Variants in FAM186B observed in about 807,000 individuals in gnomAD.
FAM186B encodes protein FAM186B.
In FAM186B, 68 loss-of-function variants were observed where a neutral mutation model predicts 83.4. That is an observed-to-expected ratio of 0.81 (90% CI 0.67 to 1.00). FAM186B has a LOEUF of 1.00. Ranked by LOEUF, FAM186B falls within the 50% of genes least tolerant of loss-of-function variation. The pLI is 0.00. For synonymous variants in FAM186B, 389 were observed against 422.0 expected, an observed-to-expected ratio of 0.92 and a Z score of 0.96; for missense variants, 983 against 1,099.2, an observed-to-expected ratio of 0.89 and a Z score of 1.49.
At chr12:49,593,778 G>T (rs952954155) in intron 5 of FAM186B, among the ~76,000 whole-genome samples, 1 of 152,146 alleles carries the variant, frequency 6.6e-6, no homozygotes, top group African/African-American at 2.4e-5. Flanking sequence ...TTGGAGACCA[G>T]CCTGGACAAC....
intron 2 of FAM186B, 81 bp downstream of exon 2, chr12:49,604,232 G>T: frequency 9.4e-7 from 1 of 1,065,970 alleles, no homozygotes; most frequent in South Asian, 1.4e-5. Flanking sequence ...CTGGAGAAGG[G>T]GATGTGTCCT....
In FAM186B at chr12:49,605,382, C is replaced by T. The variant is rs1939990676; in HGVS notation, c.96G>A (p.Glu32=). ...IEAAQLTRAQ[E]DISTQLSDIL... is the part of the protein sequence containing the mutation. ...GTGATTCCTTCATCTCAGGGGCTAC[C>T]TCTTGAGCCCGAGTTAGCTGGGCAG... is the stretch of plus-strand genomic sequence containing the variant. The change falls in exon 1 of 7, where the codon GAG becomes GAA. Residue 32 remains glutamate (E), a splice_region_variant and synonymous_variant. Transcript: ENST00000257894. 1 of 1,611,946 alleles carries T rather than the reference C, an allele frequency of 6.2e-7. No homozygotes were observed. Among genetic ancestry groups the T allele is most frequent in the Non-Finnish European group, 8.5e-7 (1 of 1,179,248 alleles).
rs151051569 is a variant in FAM186B at position 49,588,535 on chromosome 12, C to T, written c.2453G>A (p.Arg818Gln). 685 of 1,612,994 alleles carry T rather than the reference C, an allele frequency of 4.2e-4. 1 individual carries two copies. In the African/African-American group the frequency reaches 7.0e-3, roughly 16 times the overall value. ...KKCKLPAASP[R>Q]HIRPSGPTYK... The stretch of plus-strand genomic sequence containing the variant: ...GGTGGGGCCACTGGGGCGGATGTGC[C>T]GGGGTGAGGCTGCAGGCAACTTGCA... Residue 818 changes from arginine (R) to glutamine (Q), a missense_variant, in exon 6 of 7, where the codon CGG becomes CAG. Arg to Gln is a conservative substitution (Grantham distance 43). Coordinates refer to ENST00000257894, the MANE Select transcript of FAM186B (RefSeq NM_032130.3).
upstream of FAM186B, among the ~76,000 whole-genome samples, chr12:49,607,745 G>C (rs1451228281): frequency 6.6e-6 from 1 of 152,022 alleles, no homozygotes; most frequent in Non-Finnish European, 1.5e-5. Context: ...TGTTGCCCAG[G>C]CCAGAGTGCA....
upstream of FAM186B, among the ~76,000 whole-genome samples, chr12:49,607,083 T>C (rs1940039101): frequency 6.6e-6 from 1 of 151,422 alleles, no homozygotes; most frequent in African/African-American, 2.4e-5. Context: ...CGAGCAAAAA[T>C]AGAAACATAT....
rs1939816511 is a variant in FAM186B, at chr12:49,599,566, C to A, written c.2074G>T (p.Ala692Ser). Residue 692 changes from alanine (A) to serine (S), a missense_variant, in exon 4 of 7, where the codon GCA (alanine) becomes TCA (serine). By Grantham distance (99) the Ala-to-Ser change is moderately conservative. Coordinates refer to ENST00000257894, the MANE Select transcript of FAM186B (RefSeq NM_032130.3). ...LRLPHYLRSK[A>S]LELTTTTMEL... ...ATGGTGGTGGTGGTGAGCTCCAGTG[C>A]TTTGCTGCGCAGGTAGTGGGGCAGC... 2 of 1,612,184 alleles carry A rather than the reference C, an allele frequency of 1.2e-6. No individual in the cohort carries two copies. Among genetic ancestry groups the A allele is most frequent in the African/African-American group, 2.7e-5 (2 of 74,868 alleles).
chr12:49,612,930 A>G, the FAM186B span, among the ~76,000 whole-genome samples: 1 of 152,204 alleles, frequency 6.6e-6, no homozygotes, highest in Non-Finnish European at 1.5e-5. Flanking sequence ...CTCAGAATAT[A>G]CATTCTTCTC....
chr12:49,595,556 T>C, intron 5 of FAM186B: 1 of 447,584 alleles, frequency 2.2e-6, no homozygotes, highest in Non-Finnish European at 4.5e-6. Context: ...GAGAATCGTG[T>C]GGAAAAGGAC....
chr12:49,603,568 G>T (rs1939945776), intron 2 of FAM186B, among the ~76,000 whole-genome samples: 1 of 152,206 alleles, frequency 6.6e-6, no homozygotes, highest in African/African-American at 2.4e-5. Flanking sequence ...GATTAAATGA[G>T]ATAATACATG....
chr12:49,599,526 A>G lies in FAM186B; in HGVS notation c.2114T>C (p.Leu705Pro). The G allele has an allele frequency of 2.5e-6, 4 of 1,597,752 alleles. No individual in the cohort carries two copies. The highest frequency in any genetic ancestry group is 3.4e-6 in the Non-Finnish European group (4 of 1,173,422). ...CTTATGGCACAGGTACTGCAGCCTG[A>G]GCGCGCCCAGCTCCATGGTGGTGGT... Reference protein sequence around the residue: ...LTTTTMELGALRLQYLCHKYI... With the variant: ...LTTTTMELGAPRLQYLCHKYI... Residue 705 changes from leucine (L) to proline (P), a missense_variant, in exon 4 of 7, where the codon CTC becomes CCC. Physicochemically the swap from Leu to Pro is moderately conservative, Grantham distance 98 (BLOSUM62 -3). Coordinates refer to ENST00000257894, the MANE Select transcript of FAM186B (RefSeq NM_032130.3).
In FAM186B at chr12:49,600,121, A is replaced by G; in HGVS notation, c.1519T>C (p.Trp507Arg). 2 of 1,613,222 alleles carry G rather than the reference A, an allele frequency of 1.2e-6. No homozygotes were observed. Among genetic ancestry groups the G allele is most frequent in the East Asian group, 2.2e-5 (1 of 44,860 alleles). The change falls in exon 4 of 7, where the codon TGG (tryptophan) becomes CGG (arginine). Residue 507 changes from tryptophan (W) to arginine (R), a missense_variant. Coordinates refer to ENST00000257894, the MANE Select transcript of FAM186B (RefSeq NM_032130.3). This position sits in a 1 kb window ranked among gnomAD's most constrained non-coding sequence, Gnocchi z 4.3. ...EEMWQQRQKK[W>R]ALLEQEHQEK... ...TGATGCTCCTGCTCCAGCAGGGCCC[A>G]CTTCTTCTGCCGCTGCTGCCACATC...
chr12:49,595,161 C>G (rs1939684322), intron 5 of FAM186B: 1 of 436,108 alleles, frequency 2.3e-6, no homozygotes, highest in Non-Finnish European at 4.4e-6. Context: ...GCTAAAGGAG[C>G]AGAGGAAATG....
Position 49,604,384 on chromosome 12 carries a change from G to A in FAM186B, c.251C>T (p.Ala84Val). Residue 84 changes from alanine to valine, a missense_variant, in exon 2 of 7, where the codon GCC becomes GTC. Transcript: ENST00000257894. ...KKRFILLEKIASFSKDAMMKE... is the reference protein window; with the variant it reads ...KKRFILLEKIVSFSKDAMMKE... ...CATCATAGCATCTTTGGAGAAGGAG[G>A]CAATTTTTTCCAGCAAGATGAATCT... is the stretch of plus-strand genomic sequence containing the variant. 1 of 1,614,224 alleles carries A rather than the reference G, an allele frequency of 6.2e-7. No homozygotes were observed. The highest frequency in any genetic ancestry group is 8.5e-7 in the Non-Finnish European group (1 of 1,180,034).
At chr12:49,585,612 G>A (rs891297417), downstream of FAM186B, among the ~76,000 whole-genome samples, 8 of 152,348 alleles carry the variant, frequency 5.3e-5, no homozygotes, top group African/African-American at 1.4e-4. Flanking sequence ...GCCCCAGTGG[G>A]CTCAGAGATG....
chr12:49,619,666 T>A, the FAM186B span: 4 of 293,970 alleles, frequency 1.4e-5, no homozygotes, highest in Non-Finnish European at 1.9e-5. Context: ...GTTAGACATC[T>A]CTTTTTTTTT....
chr12:49,622,242 C>T, the FAM186B span, among the ~76,000 whole-genome samples: 1 of 150,702 alleles, frequency 6.6e-6, no homozygotes, highest in South Asian at 2.1e-4. Flanking sequence ...TCTCCTGCCG[C>T]GGCGGCGGCT....
chr12:49,615,725 G>A, the FAM186B span, among the ~76,000 whole-genome samples: 6 of 152,032 alleles, frequency 3.9e-5, no homozygotes, highest in African/African-American at 1.5e-4. Context: ...GGAAGTCAAG[G>A]CTGCAGTGAG....
At position 49,600,553 on chromosome 12, in the gene FAM186B, T is replaced by C. The variant is rs1408627275; in HGVS notation, c.1087A>G (p.Lys363Glu). 1.9e-6 allele frequency: 3 copies of C among 1,613,790 alleles called. No individual in the cohort carries two copies. The highest frequency in any genetic ancestry group is 1.1e-5 in the South Asian group (1 of 91,026). ...AGTGGCGAGAACAACTGCTCCTCCT[T>C]CATCGGTTCCTGTTGGCTTTCCTCC... The part of the protein sequence containing the change: ...VMEESQQEPM[K>E]EEQLFSPLPP... Residue 363 changes from lysine (K) to glutamate (E), a missense_variant, in exon 4 of 7, where the codon AAG (lysine) becomes GAG (glutamate). By Grantham distance (56) the Lys-to-Glu change is moderately conservative. Coordinates refer to ENST00000257894, the MANE Select transcript of FAM186B (RefSeq NM_032130.3). This position sits in a 1 kb window ranked among gnomAD's most constrained non-coding sequence, Gnocchi z 4.3.
intron 5 of FAM186B, chr12:49,593,973 ATAT>A (rs1189682215): frequency 6.5e-6 from 1 of 154,056 alleles, no homozygotes; most frequent in African/African-American, 2.4e-5. Flanking sequence ...GAAAGAATAA[ATAT>A]TATTAAGATG....
Sources: allele counts gnomAD v4.1 joint callset (sites outside exome capture counted in the v4.1 genomes callset), GRCh38; gene constraint gnomAD v4.1.1; non-coding constraint Gnocchi (gnomAD v3.1); transcripts MANE v1.5; gene names NCBI Gene and HGNC (gene_info 2026-07-23, HGNC 2026-07-21).